TOP6BL: variants seen among roughly 807,000 people sequenced by gnomAD.
The protein encoded by TOP6BL is TOP6B like initiator of meiotic double strand breaks, also known as type 2 DNA topoisomerase 6 subunit B-like.
At chr11:66,747,492 T>C in the TOP6BL span, among the ~76,000 whole-genome samples, 2 of 151,942 alleles carry the variant, frequency 1.3e-5, no homozygotes, top group African/African-American at 4.8e-5. Flanking sequence ...ATTACAGGCA[T>C]GAGCCACTGC....
chr11:66,806,831 C>G, the TOP6BL span, among the ~76,000 whole-genome samples: 12 of 152,252 alleles, frequency 7.9e-5, no homozygotes, highest in African/African-American at 2.4e-4. Context: ...TATCAGATAT[C>G]AAAAGATACC....
chr11:66,759,078 C>T, the TOP6BL span: 7 of 1,558,758 alleles, frequency 4.5e-6, no homozygotes, highest in Non-Finnish European at 6.1e-6. Flanking sequence ...TGGCATGGTC[C>T]TCAAGAAGTT....
chr11:66,805,554 C>T, the TOP6BL span, among the ~76,000 whole-genome samples: 4 of 151,980 alleles, frequency 2.6e-5, no homozygotes, highest in South Asian at 2.1e-4. Context: ...CTCTGCTTCC[C>T]GGACTCAAAC....
chr11:66,820,543 G>C, the TOP6BL span, among the ~76,000 whole-genome samples: 1 of 152,198 alleles, frequency 6.6e-6, no homozygotes, highest in African/African-American at 2.4e-5. Flanking sequence ...CTGAGCAGTG[G>C]TGCCTGTGGT....
chr11:66,761,959 C>T, the TOP6BL span: 5 of 1,560,490 alleles, frequency 3.2e-6, no homozygotes, highest in African/African-American at 1.4e-5. Flanking sequence ...ACCTTCTGCC[C>T]TTGCGAGGGT....
At chr11:66,797,573 C>T in the TOP6BL span, among the ~76,000 whole-genome samples, 21 of 152,024 alleles carry the variant, frequency 1.4e-4, no homozygotes, top group Middle Eastern at 3.4e-3. Context: ...GACTTGATCT[C>T]GGCTCACTGC....
At chr11:66,751,630 C>G in the TOP6BL span, among the ~76,000 whole-genome samples, 1 of 151,938 alleles carries the variant, frequency 6.6e-6, no homozygotes, top group African/African-American at 2.4e-5. Context: ...AGCCATTGTG[C>G]TCAGCCCTAA....
At chr11:66,785,502 T>C in the TOP6BL span, among the ~76,000 whole-genome samples, 1 of 152,218 alleles carries the variant, frequency 6.6e-6, no homozygotes, top group Non-Finnish European at 1.5e-5. Flanking sequence ...TTGTTCATGA[T>C]ATGTTTAATC....
At chr11:66,746,950 T>C in the TOP6BL span, among the ~76,000 whole-genome samples, 1 of 152,084 alleles carries the variant, frequency 6.6e-6, no homozygotes, top group African/African-American at 2.4e-5. Context: ...TTTTTTTTTT[T>C]CTTTTTGAAA....
chr11:66,773,086 CTCTT>C, the TOP6BL span, among the ~76,000 whole-genome samples: 5 of 152,136 alleles, frequency 3.3e-5, no homozygotes, highest in Admixed American at 1.3e-4. Context: ...CTCTCTCTCT[CTCTT>C]TGAGACATGG....
the TOP6BL span, chr11:66,758,291 A>ATT: frequency 5.0e-5 from 4 of 80,300 alleles, no homozygotes; most frequent in African/African-American, 2.5e-4. Flanking sequence ...TGATACTGGT[A>ATT]TTTTCTTTTT....
the TOP6BL span, chr11:66,815,938 G>C: frequency 1.0e-4 from 109 of 1,083,914 alleles, no homozygotes; most frequent in Non-Finnish European, 1.3e-4. Flanking sequence ...TGGGTGTTCA[G>C]ATTTAGATCT....
At chr11:66,800,936 G>A in the TOP6BL span, 64 of 1,300,772 alleles carry the variant, frequency 4.9e-5, no homozygotes, top group Non-Finnish European at 6.3e-5. Context: ...TCTAGTAATC[G>A]CTGGGGTGGT....
chr11:66,799,528 A>G, the TOP6BL span, among the ~76,000 whole-genome samples: 22 of 149,610 alleles, frequency 1.5e-4, no homozygotes, highest in African/African-American at 4.7e-4. Context: ...CCTGGCCAAC[A>G]TGGCGAAACC....
chr11:66,793,693 G>A, the TOP6BL span, among the ~76,000 whole-genome samples: 11 of 152,010 alleles, frequency 7.2e-5, no homozygotes, highest in Admixed American at 1.3e-4. Flanking sequence ...TGATCCACCC[G>A]CCTTGGCCTC....
At chr11:66,796,669 G>T in the TOP6BL span, among the ~76,000 whole-genome samples, 1 of 151,598 alleles carries the variant, frequency 6.6e-6, no homozygotes, top group African/African-American at 2.4e-5. Context: ...TGTAATCCCA[G>T]TTCCTCAGGA....
the TOP6BL span, chr11:66,800,713 A>G: frequency 5.1e-6 from 8 of 1,567,878 alleles, no homozygotes; most frequent in South Asian, 2.3e-5. Context: ...TCTTAGGTCT[A>G]TGGCTTAAGA....
the TOP6BL span, among the ~76,000 whole-genome samples, chr11:66,757,681 G>T: frequency 6.6e-6 from 1 of 152,216 alleles, no homozygotes; most frequent in South Asian, 2.1e-4. Flanking sequence ...CTGCCTCCTG[G>T]GTTCAGGTGA....
At chr11:66,758,297 TTTTTC>T in the TOP6BL span, 1 of 129,950 alleles carries the variant, frequency 7.7e-6, no homozygotes, top group Non-Finnish European at 1.4e-5. Flanking sequence ...TGGTATTTTC[TTTTTC>T]TTTTTTTTTT....
Sources: gnomAD v4.1 joint callset for allele counts (sites outside exome capture counted in the v4.1 genomes callset) on GRCh38, gnomAD v4.1.1 for gene constraint, MANE v1.5 for transcripts, NCBI Gene and HGNC (gene_info 2026-07-23, HGNC 2026-07-21) for gene names.